KCNH3: variants seen among roughly 807,000 people sequenced by gnomAD.
The protein encoded by KCNH3 is voltage-gated inwardly rectifying potassium channel KCNH3.
Under a neutral mutation model 95.6 loss-of-function variants are expected in KCNH3, and 36 were observed. The observed-to-expected ratio is 0.38, with a 90% CI of 0.29 to 0.50. KCNH3 has a LOEUF of 0.50. KCNH3 is among the 20% of genes least tolerant of loss of function. The pLI is 0.95. For synonymous variants in KCNH3, 620 were observed against 646.3 expected (o/e 0.96, Z 0.62); for missense variants, 1,030 against 1,484.1 (o/e 0.69, Z 5.03).
At chr12:49,547,534 C>T (rs182864760) in intron 7 of KCNH3, among the ~76,000 whole-genome samples, 56 of 152,346 alleles carry the variant, frequency 3.7e-4, no homozygotes, top group Non-Finnish European at 5.6e-4. Context: ...CCCTTCCTGC[C>T]GTGTGGCACC....
intron 5 of KCNH3, 67 bp from the exon 6 acceptor site, chr12:49,543,848 C>CA: frequency 6.4e-7 from 1 of 1,554,374 alleles, no homozygotes; most frequent in South Asian, 1.2e-5. Context: ...AGAAAGTGAG[C>CA]AGGTGTCCAG....
chr12:49,541,273 A>G (rs1229652083), intron 2 of KCNH3, 141 bp downstream of exon 2: 1 of 702,754 alleles, frequency 1.4e-6, no homozygotes, highest in East Asian at 2.7e-5. Flanking sequence ...CCCCCATCCA[A>G]CCCCTCTTGC....
intron 8 of KCNH3, 106 bp from the exon 9 acceptor site, chr12:49,549,335 C>G: frequency 6.7e-7 from 1 of 1,486,578 alleles, no homozygotes; most frequent in Non-Finnish European, 9.2e-7. Context: ...GCACAGCGGC[C>G]TTCAGGCCTT....
chr12:49,556,536 A>C, intron 13 of KCNH3, 60 bp downstream of exon 13: 1 of 1,209,536 alleles, frequency 8.3e-7, no homozygotes, highest in African/African-American at 1.5e-5. Flanking sequence ...TGTGAACCTC[A>C]AGCACTGTTG....
chr12:49,547,195 G>A (rs1938091227), intron 7 of KCNH3, among the ~76,000 whole-genome samples: 1 of 152,104 alleles, frequency 6.6e-6, no homozygotes. Context: ...ACCCAACCAT[G>A]TACTCCACTG....
At chr12:49,551,845 G>A (rs1938274876) in intron 10 of KCNH3, among the ~76,000 whole-genome samples, 1 of 152,210 alleles carries the variant, frequency 6.6e-6, no homozygotes, top group Admixed American at 6.5e-5. Context: ...ATCAAGATGA[G>A]AAGCAGGAAA....
At chr12:49,547,105 C>T (rs563791432) in intron 7 of KCNH3, among the ~76,000 whole-genome samples, 12 of 152,094 alleles carry the variant, frequency 7.9e-5, no homozygotes, top group Admixed American at 7.2e-4. Context: ...ATGTTGGTCA[C>T]GCTGGTCTCG....
intron 7 of KCNH3, 123 bp from the exon 8 acceptor site, chr12:49,548,772 T>A: frequency 9.8e-7 from 1 of 1,015,596 alleles, no homozygotes; most frequent in Non-Finnish European, 1.4e-6. Context: ...AGGCTGGCAG[T>A]GAAGGGGCAA....
intron 13 of KCNH3, chr12:49,556,775 A>C: frequency 1.5e-6 from 1 of 663,262 alleles, no homozygotes; most frequent in Non-Finnish European, 2.8e-6. Context: ...GTTGATGTTT[A>C]CGTTATATAA....
rs894019714 is a variant in KCNH3, at chr12:49,539,103, A to C, written c.-314A>C. 1.3e-5 allele frequency: 2 copies of C among 151,860 alleles called. No homozygotes were observed. The highest frequency in any genetic ancestry group is 2.9e-5 in the Non-Finnish European group (2 of 67,884). 9.4% of individuals were successfully genotyped at this position (151,860 alleles called of 1,614,324 possible). A position where few individuals can be genotyped will look rare whatever the true frequency, so the allele number is the denominator to read the frequency against. ...GCCGAGCGAAGCCGAGCGGAAGCCC[A>C]CCCGCAGCCGACACGCGAGCCGCTG... On this transcript the variant is annotated 5_prime_UTR_variant, in exon 1 of 15. Transcript: ENST00000257981. The surrounding 1 kb of genome is among the most constrained non-coding windows in gnomAD (Gnocchi z 6.7).
Position 49,556,361 on chromosome 12 carries a change from G to A in KCNH3, c.2469-9G>A. The A allele has an allele frequency of 6.3e-7, 1 of 1,598,302 alleles. No homozygotes were observed. The highest frequency in any genetic ancestry group is 8.6e-7 in the Non-Finnish European group (1 of 1,166,094). Reference sequence around the variant, plus strand: ...CATTGATTTGTTGTCCTGGTACCTGGGTTCACAGGGTAGTAGATGGCATTG... The same window carrying A: ...CATTGATTTGTTGTCCTGGTACCTGAGTTCACAGGGTAGTAGATGGCATTG... On this transcript the variant is annotated splice_polypyrimidine_tract_variant and intron_variant, in intron 12 of 14. Coordinates refer to ENST00000257981, the MANE Select transcript of KCNH3 (RefSeq NM_012284.3).
At chr12:49,544,703 T>A (rs564167243) in intron 7 of KCNH3, among the ~76,000 whole-genome samples, 1 of 152,192 alleles carries the variant, frequency 6.6e-6, no homozygotes, top group South Asian at 2.1e-4. Context: ...AGGGTTTCTC[T>A]GACACCCGGC....
At chr12:49,548,002 G>A (rs978550315) in intron 7 of KCNH3, among the ~76,000 whole-genome samples, 6 of 152,176 alleles carry the variant, frequency 3.9e-5, no homozygotes, top group Non-Finnish European at 5.9e-5. Flanking sequence ...AGACCTCAGC[G>A]CACAACCCTA....
chr12:49,554,254 GA>G, intron 10 of KCNH3, 82 bp from the exon 11 acceptor site: 1 of 1,116,168 alleles, frequency 9.0e-7, no homozygotes, highest in Non-Finnish European at 1.3e-6. Flanking sequence ...GCTCTGAAGG[GA>G]ATCTCAGCAA....
At chr12:49,542,555 T>G in intron 3 of KCNH3, 151 bp from the exon 4 acceptor site, 2 of 910,870 alleles carry the variant, frequency 2.2e-6, no homozygotes, top group East Asian at 2.7e-5. Context: ...ACCCAGGAAG[T>G]GAGGAATACC....
At chr12:49,545,295 G>C (rs555447445) in intron 7 of KCNH3, among the ~76,000 whole-genome samples, 1 of 151,634 alleles carries the variant, frequency 6.6e-6, no homozygotes, top group East Asian at 1.9e-4. Context: ...TTTAACTCTC[G>C]ATGCGCCTCA....
In KCNH3 at chr12:49,549,017, A is replaced by T; in HGVS notation, c.1312A>T (p.Thr438Ser). 6.2e-7 allele frequency: 1 copy of T among 1,611,850 alleles called. No homozygotes were observed. The highest frequency in any genetic ancestry group is 1.1e-5 in the South Asian group (1 of 91,022). Residue 438 changes from threonine to serine, a missense_variant, in exon 8 of 15, where the codon ACG (threonine) becomes TCG (serine). This residue lies in a region of KCNH3 where 50 missense variants were observed against 41.0 expected (regional missense o/e 1.22). Transcript: ENST00000257981. The part of the protein sequence containing the change: ...NCSSSSEANG[T>S]GLELLGGPSL... ...CAGCAGCAGCAGCGAGGCCAACGGGACGGGGCTGGAGCTGCTGGGCGGCCC... is the reference window on the plus strand; with the variant it reads ...CAGCAGCAGCAGCGAGGCCAACGGGTCGGGGCTGGAGCTGCTGGGCGGCCC...
intron 2 of KCNH3, among the ~76,000 whole-genome samples, chr12:49,541,359 T>G (rs1224333653): frequency 6.6e-6 from 1 of 152,016 alleles, no homozygotes; most frequent in Non-Finnish European, 1.5e-5. Context: ...AGTTCCAACC[T>G]CGGGTTTCCC....
Position 49,539,507 on chromosome 12 carries a change from C to T in KCNH3, c.76+15C>T, listed in dbSNP as rs779576223. On this transcript the variant is annotated intron_variant, in intron 1 of 14. Transcript: ENST00000257981. This position sits in a 1 kb window ranked among gnomAD's most constrained non-coding sequence, Gnocchi z 6.7. ...CGACGGCACGCGTGAGTCCGACCCT[C>T]GCCCACTTGCACCCGGGCCGCCGGA... The T allele has an allele frequency of 8.2e-6, 13 of 1,587,160 alleles. No homozygotes were observed. The highest frequency in any genetic ancestry group is 1.1e-5 in the Non-Finnish European group (13 of 1,168,542).
Sources: gnomAD v4.1 joint callset for allele counts (sites outside exome capture counted in the v4.1 genomes callset) on GRCh38, gnomAD v4.1.1 for gene constraint, gnomAD v4.1.1 regional missense constraint, Gnocchi (gnomAD v3.1) non-coding constraint, MANE v1.5 for transcripts, NCBI Gene and HGNC (gene_info 2026-07-23, HGNC 2026-07-21) for gene names.